Variants in CENPC observed in about 807,000 individuals in gnomAD.
CENPC encodes CENP-C 1.
Under a neutral mutation model 112.1 loss-of-function variants are expected in CENPC, and 63 were observed. The ratio of observed to expected loss-of-function variants is 0.56; its 90% CI spans 0.46 to 0.69. The LOEUF (loss-of-function observed/expected upper bound fraction) is 0.69, where lower values mean the gene tolerates loss of function less well. Among genes scored for constraint, CENPC ranks in the 30% least tolerant of loss-of-function variants. CENPC has a pLI of 0.00. For missense variants in CENPC, 1,000 were observed against 1,103.8 expected (o/e 0.91, Z 1.33); for synonymous variants, 333 against 367.6 (o/e 0.91, Z 1.08).
intron 12 of CENPC, among the ~76,000 whole-genome samples, chr4:67,502,945 C>T (rs1246917749): frequency 1.3e-5 from 2 of 152,156 alleles, no homozygotes; most frequent in Admixed American, 6.6e-5. Flanking sequence ...TAAGCCAACA[C>T]CTCTCACTAG....
In CENPC at chr4:67,540,985, T is replaced by A. The variant is rs778269383; in HGVS notation, c.131A>T (p.Glu44Val). Reference protein sequence around the residue: ...VLEILQDCFEEKSLANDFSTN... With the variant: ...VLEILQDCFEVKSLANDFSTN... ...ATCTTGAAATGAAGCCTTACTTTTT[T>A]CTTCAAAACAGTCTTGTAAGATTTC... Residue 44 changes from glutamate to valine, a missense_variant, in exon 3 of 19, where the codon GAA becomes GTA. Glu to Val is a moderately radical substitution (Grantham distance 121, BLOSUM62 -2). Coordinates refer to ENST00000273853, the MANE Select transcript of CENPC (RefSeq NM_001812.4). 2.7e-5 allele frequency: 43 copies of A among 1,605,254 alleles called. No individual in the cohort carries two copies. The East Asian group carries it at 9.0e-4, about 33-fold the overall frequency.
At chr4:67,485,765 G>C (rs1361858888) in intron 17 of CENPC, among the ~76,000 whole-genome samples, 1 of 152,098 alleles carries the variant, frequency 6.6e-6, no homozygotes, top group Admixed American at 6.5e-5. Flanking sequence ...AGTATTATGA[G>C]AACTTTATTC....
intron 2 of CENPC, 95 bp downstream of exon 2, chr4:67,544,054 T>C (rs753484546): frequency 2.9e-6 from 2 of 693,490 alleles, no homozygotes; most frequent in South Asian, 1.6e-5. Flanking sequence ...GAAATCATTA[T>C]ATTAGTCAGA....
intron 18 of CENPC, among the ~76,000 whole-genome samples, chr4:67,473,833 C>T (rs779338250): frequency 1.3e-4 from 20 of 152,308 alleles, no homozygotes; most frequent in Admixed American, 9.2e-4. Flanking sequence ...GTGTGAGCCA[C>T]TGCACCTGGC....
chr4:67,497,551 G>T (rs1253993864), intron 12 of CENPC, among the ~76,000 whole-genome samples: 3 of 151,810 alleles, frequency 2.0e-5, no homozygotes, highest in Non-Finnish European at 4.4e-5. Context: ...TTGGTTTTTT[G>T]AGACTAAGTC....
intron 5 of CENPC, among the ~76,000 whole-genome samples, chr4:67,529,538 C>T (rs1726484303): frequency 6.6e-6 from 1 of 152,016 alleles, no homozygotes; most frequent in Non-Finnish European, 1.5e-5. Context: ...GTTGGCCATG[C>T]TGGTCTCAAA....
At chr4:67,475,095 C>T in intron 17 of CENPC, 117 bp from the exon 18 acceptor site, 1 of 631,736 alleles carries the variant, frequency 1.6e-6, no homozygotes, top group African/African-American at 1.8e-5. Flanking sequence ...GCTTTAATCT[C>T]CAGAACTTGT....
In CENPC at chr4:67,519,458, T is replaced by G; in HGVS notation, c.376A>C (p.Ser126Arg). 1 of 1,600,800 alleles carries G rather than the reference T, an allele frequency of 6.2e-7. No homozygotes were observed. Among genetic ancestry groups the G allele is most frequent in the South Asian group, 1.1e-5 (1 of 89,428 alleles). ...TTCGAGTCAGGTGTATTTTTGGAAC[T>G]AACATCAGTTGCCAGAATTTTCTGA... is the stretch of plus-strand genomic sequence containing the variant. ...VHQKILATDV[S>R]SKNTPDSKKI... The change falls in exon 6 of 19, where the codon AGT (serine) becomes CGT (arginine). Residue 126 changes from serine to arginine, a missense_variant. Ser to Arg is a moderately radical substitution (Grantham distance 110). Transcript: ENST00000273853.
At chr4:67,485,988 C>T (rs866946813) in intron 17 of CENPC, among the ~76,000 whole-genome samples, 58 of 151,836 alleles carry the variant, frequency 3.8e-4, no homozygotes, top group South Asian at 4.2e-4. Context: ...GAAAAAAGCC[C>T]CCCGAAATGT....
intron 12 of CENPC, 55 bp from the exon 13 acceptor site, chr4:67,495,267 T>A: frequency 7.0e-7 from 1 of 1,418,942 alleles, no homozygotes; most frequent in East Asian, 2.6e-5. Context: ...CCATGTTAAA[T>A]TAAAATGTGT....
intron 18 of CENPC, among the ~76,000 whole-genome samples, chr4:67,473,631 C>T (rs1724729053): frequency 6.6e-6 from 1 of 151,628 alleles, no homozygotes; most frequent in Non-Finnish European, 1.5e-5. Context: ...CAGCTCACCG[C>T]AACTTTGAAC....
At chr4:67,515,663 G>A (rs867233468) in intron 7 of CENPC, among the ~76,000 whole-genome samples, 3 of 151,880 alleles carry the variant, frequency 2.0e-5, no homozygotes, top group Non-Finnish European at 2.9e-5. Context: ...GTTTTAAGCC[G>A]CTAAGTGTGT....
chr4:67,509,010 T>C lies in CENPC; in HGVS notation c.1708A>G (p.Asn570Asp), dbSNP rs1725816159. The C allele has an allele frequency of 6.2e-7, 1 of 1,613,222 alleles. No homozygotes were observed. Among genetic ancestry groups the C allele is most frequent in the South Asian group, 1.1e-5 (1 of 91,060 alleles). ...STKKTNQSSK[N>D]IRKKTIPLKR... Reference sequence around the variant, plus strand: ...AGTGGAATAGTTTTTTTCCTAATATTCTTAGATGACTGATTTGTTTTCTTA... The same window carrying C: ...AGTGGAATAGTTTTTTTCCTAATATCCTTAGATGACTGATTTGTTTTCTTA... Residue 570 changes from asparagine to aspartate, a missense_variant, in exon 10 of 19, where the codon AAT (asparagine) becomes GAT (aspartate). Coordinates refer to ENST00000273853, the MANE Select transcript of CENPC (RefSeq NM_001812.4).
chr4:67,476,342 A>G (rs112846585), intron 17 of CENPC, among the ~76,000 whole-genome samples: 114 of 152,352 alleles, frequency 7.5e-4, no homozygotes, highest in African/African-American at 2.5e-3. Context: ...GTGAGTGCCC[A>G]AAGTGTGAAA....
At chr4:67,541,340 AT>A (rs544148595) in intron 2 of CENPC, among the ~76,000 whole-genome samples, 35 of 152,222 alleles carry the variant, frequency 2.3e-4, no homozygotes, top group African/African-American at 7.2e-4. Context: ...AAAAACACAA[AT>A]TTTTTTGAAT....
At chr4:67,505,341 T>C (rs1725705000) in intron 11 of CENPC, 57 bp from the exon 12 acceptor site, 1 of 1,015,546 alleles carries the variant, frequency 9.8e-7, no homozygotes, top group Non-Finnish European at 1.4e-6. Flanking sequence ...ATATCTAATG[T>C]ATTTGCCTTA....
In CENPC at chr4:67,519,221, T is replaced by A. The variant is rs1252724935; in HGVS notation, c.613A>T (p.Lys205Ter). ...ATTATTTAAATAAAATGTTACCTTT[T>A]TTTGGTTTTAACTGAAACCTCTGTA... ...SSTEVSVKTK[K>*]RLNFDDKVML... The change falls in exon 6 of 19, where the codon AAA becomes TAA. Residue 205 changes from lysine to a stop codon, truncating the protein, a stop_gained. Coordinates refer to ENST00000273853, the MANE Select transcript of CENPC (RefSeq NM_001812.4). LOFTEE classifies it high-confidence loss of function. The A allele has an allele frequency of 1.3e-6, 2 of 1,526,592 alleles. No homozygotes were observed. Among genetic ancestry groups the A allele is most frequent in the Non-Finnish European group, 1.8e-6 (2 of 1,134,814 alleles). 94.6% of individuals were successfully genotyped at this position (1,526,592 alleles called of 1,614,324 possible). A position where few individuals can be genotyped will look rare whatever the true frequency, so the allele number is the denominator to read the frequency against.
intron 17 of CENPC, among the ~76,000 whole-genome samples, chr4:67,483,602 A>G (rs923358142): frequency 2.0e-5 from 3 of 152,078 alleles, no homozygotes; most frequent in Admixed American, 6.5e-5. Flanking sequence ...CTCAGTAAGT[A>G]TTCCAGAAGA....
intron 5 of CENPC, among the ~76,000 whole-genome samples, chr4:67,520,257 G>A (rs1476571141): frequency 1.3e-5 from 2 of 152,156 alleles, no homozygotes; most frequent in African/African-American, 4.8e-5. Flanking sequence ...CTGTGCTATG[G>A]GACTGTAGCA....
Sources: gnomAD v4.1 joint callset for allele counts (sites outside exome capture counted in the v4.1 genomes callset) on GRCh38, gnomAD v4.1.1 for gene constraint, MANE v1.5 for transcripts, NCBI Gene and HGNC (gene_info 2026-07-23, HGNC 2026-07-21) for gene names.